PPM1G: variants seen among roughly 807,000 people sequenced by gnomAD.
PPM1G encodes protein phosphatase 1G.
In PPM1G, 12 loss-of-function variants were observed where a neutral mutation model predicts 59.4. The ratio of observed to expected loss-of-function variants is 0.20; its 90% CI spans 0.13 to 0.33. PPM1G has a LOEUF of 0.33. Among genes scored for constraint, PPM1G ranks in the 10% least tolerant of loss-of-function variants. PPM1G has a pLI of 1.00. For missense variants in PPM1G, 392 were observed against 681.3 expected (o/e 0.58, Z 4.73); for synonymous variants, 245 against 251.9 (o/e 0.97, Z 0.26).
chr2:27,391,349 AT>A (rs2148421521), intron 1 of PPM1G, among the ~76,000 whole-genome samples: 1 of 152,214 alleles, frequency 6.6e-6, no homozygotes, highest in South Asian at 2.1e-4. Context: ...AACGTTTCTC[AT>A]TTTTTGACAT....
Position 27,385,062 on chromosome 2 carries a change from G to C in PPM1G, c.436C>G (p.His146Asp). 1 of 1,609,532 alleles carries C rather than the reference G, an allele frequency of 6.2e-7. No homozygotes were observed. The highest frequency in any genetic ancestry group is 8.5e-7 in the Non-Finnish European group (1 of 1,178,428). ...DVDNEEAALL[H>D]EEATMTIEEL... ...TCAATAGTCATGGTAGCCTCTTCAT[G>C]CAGCAGTGCAGCCTCCTCATTGTCC... The change falls in exon 5 of 10, where the codon CAT becomes GAT. Residue 146 changes from histidine to aspartate, a missense_variant. Physicochemically the swap from His to Asp is moderately conservative, Grantham distance 81 (BLOSUM62 -1). Around this residue, in one of 6 missense-constraint regions of PPM1G, gnomAD observed 188 missense variants for 248.8 expected, o/e 0.76. Transcript: ENST00000344034. The surrounding 1 kb of genome is among the most constrained non-coding windows in gnomAD (Gnocchi z 4.1).
At chr2:27,392,960 T>C (rs937633306) in intron 1 of PPM1G, 2 of 1,506,172 alleles carry the variant, frequency 1.3e-6, no homozygotes, top group Non-Finnish European at 1.8e-6. Flanking sequence ...TGGGGGTCAT[T>C]TTTGTCAGTG....
Position 27,385,838 on chromosome 2 carries a change from G to C in PPM1G, c.318C>G (p.Thr106=). 6.2e-7 allele frequency: 1 copy of C among 1,613,770 alleles called. No homozygotes were observed. Residue 106 remains threonine, a synonymous_variant, in exon 4 of 10, where the codon ACC becomes ACG. Transcript: ENST00000344034. The surrounding 1 kb of genome is among the most constrained non-coding windows in gnomAD (Gnocchi z 4.1). The part of the protein sequence containing the change: ...DAFLAIDAKL[T]TEEVIKELAQ... ...CCAGCTCTTTAATGACTTCTTCAGT[G>C]GTCAATTTGGCGTCAATAGCCAAGA...
rs544568496 is a variant in PPM1G, at chr2:27,386,087, A to T, written c.276+107T>A. 4.9e-5 allele frequency: 62 copies of T among 1,265,270 alleles called. No individual in the cohort carries two copies. In the African/African-American group the frequency reaches 6.9e-4, roughly 14 times the overall value. The allele number at this position is 1,265,270 out of a possible 1,614,324, so 78.4% of individuals were successfully genotyped here. A position where few individuals can be genotyped will look rare whatever the true frequency, so the allele number is the denominator to read the frequency against. On this transcript the variant is annotated intron_variant, in intron 3 of 9. Transcript: ENST00000344034. The stretch of plus-strand genomic sequence containing the variant: ...TTTAGGAACAGAATTCTTCAAGAGT[A>T]AATAAGCAGCAGCAGCTAGAGGACA...
intron 1 of PPM1G, among the ~76,000 whole-genome samples, chr2:27,390,649 T>C (rs1265204730): frequency 6.6e-6 from 1 of 152,214 alleles, no homozygotes; most frequent in Non-Finnish European, 1.5e-5. Context: ...GTCAGTTTTT[T>C]TTTTATTTTT....
chr2:27,392,002 A>G (rs1274105178), intron 1 of PPM1G, among the ~76,000 whole-genome samples: 2 of 151,610 alleles, frequency 1.3e-5, no homozygotes, highest in Admixed American at 1.3e-4. Context: ...AAGTGCTGGG[A>G]TTACGGGTGT....
intron 1 of PPM1G, among the ~76,000 whole-genome samples, chr2:27,405,946 T>C (rs753728860): frequency 6.6e-6 from 1 of 152,006 alleles, no homozygotes; most frequent in Non-Finnish European, 1.5e-5. Flanking sequence ...GAGGTTGCAG[T>C]GAGCCGAGAT....
chr2:27,395,233 CAA>C (rs775943242), intron 1 of PPM1G, among the ~76,000 whole-genome samples: 6 of 89,552 alleles, frequency 6.7e-5, no homozygotes, highest in Non-Finnish European at 1.1e-4. Flanking sequence ...GACTCTGTCT[CAA>C]AAAAAAAAAA....
At chr2:27,404,851 G>A (rs978891616) in intron 1 of PPM1G, among the ~76,000 whole-genome samples, 1 of 151,188 alleles carries the variant, frequency 6.6e-6, no homozygotes, top group African/African-American at 2.4e-5. Flanking sequence ...AGCTGAGGCA[G>A]GAGAATCGCT....
In PPM1G at chr2:27,383,716, A is replaced by G; in HGVS notation, c.967-116T>C. 1 of 1,197,090 alleles carries G rather than the reference A, an allele frequency of 8.4e-7. No individual in the cohort carries two copies. Among genetic ancestry groups the G allele is most frequent in the Admixed American group, 2.4e-5 (1 of 41,774 alleles). 74.2% of individuals were successfully genotyped at this position (1,197,090 alleles called of 1,614,324 possible). A position where few individuals can be genotyped will look rare whatever the true frequency, so the allele number is the denominator to read the frequency against. On this transcript the variant is annotated intron_variant, in intron 6 of 9. Transcript: ENST00000344034. The surrounding 1 kb of genome is among the most constrained non-coding windows in gnomAD (Gnocchi z 5.0). The stretch of plus-strand genomic sequence containing the variant: ...CTGGGACCCCCAAAAGAGCTTTAAC[A>G]AACAGGAGAAGCACACATTTCATCT...
intron 1 of PPM1G, among the ~76,000 whole-genome samples, chr2:27,408,018 G>C (rs559170853): frequency 5.3e-5 from 8 of 151,484 alleles, no homozygotes; most frequent in Admixed American, 5.3e-4. Flanking sequence ...TTGCATTCCA[G>C]CCTGGGCAAC....
intron 1 of PPM1G, among the ~76,000 whole-genome samples, chr2:27,404,477 G>C (rs1316596766): frequency 1.3e-5 from 2 of 151,768 alleles, no homozygotes; most frequent in East Asian, 3.9e-4. Context: ...TTGAACCCAA[G>C]AGGCGGAAGT....
At chr2:27,407,028 C>T (rs1014565018) in intron 1 of PPM1G, among the ~76,000 whole-genome samples, 1 of 150,302 alleles carries the variant, frequency 6.7e-6, no homozygotes, top group Non-Finnish European at 1.5e-5. Context: ...TACAGTGGCA[C>T]GATCTTGGCT....
chr2:27,400,548 G>A (rs1021652358), intron 1 of PPM1G, among the ~76,000 whole-genome samples: 1 of 152,130 alleles, frequency 6.6e-6, no homozygotes, highest in Non-Finnish European at 1.5e-5. Context: ...GAGGCCAGGG[G>A]TTCAAGGCCA....
intron 1 of PPM1G, among the ~76,000 whole-genome samples, chr2:27,398,310 A>G (rs1684099179): frequency 6.6e-6 from 1 of 152,214 alleles, no homozygotes; most frequent in Non-Finnish European, 1.5e-5. Context: ...ATCCACACAC[A>G]AAAGAATGAA....
In PPM1G at chr2:27,385,332, G is replaced by A. The variant is rs978986644; in HGVS notation, c.410-244C>T. Reference sequence around the variant, plus strand: ...CTAGTTACTATACTTCCCCTCTGACGTCTCATTTTTTATTGTTAAGTTGTA... The same window carrying A: ...CTAGTTACTATACTTCCCCTCTGACATCTCATTTTTTATTGTTAAGTTGTA... On this transcript the variant is annotated intron_variant, in intron 4 of 9. Transcript: ENST00000344034. The surrounding 1 kb of genome is among the most constrained non-coding windows in gnomAD (Gnocchi z 4.1). 7 of 468,524 alleles carry A rather than the reference G, an allele frequency of 1.5e-5. No homozygotes were observed. The highest frequency in any genetic ancestry group is 2.0e-5 in the African/African-American group (1 of 49,880). 29.0% of individuals were successfully genotyped at this position (468,524 alleles called of 1,614,324 possible).
At chr2:27,408,102 A>G (rs1558323502) in intron 1 of PPM1G, among the ~76,000 whole-genome samples, 1 of 152,200 alleles carries the variant, frequency 6.6e-6, no homozygotes, top group African/African-American at 2.4e-5. Context: ...ATACACTCCA[A>G]TCCTGAAATT....
intron 1 of PPM1G, chr2:27,393,232 C>T (rs903362358): frequency 6.4e-7 from 1 of 1,569,350 alleles, no homozygotes; most frequent in African/African-American, 1.3e-5. Context: ...AAAGCCACAT[C>T]ATCGCTGTCA....
intron 1 of PPM1G, among the ~76,000 whole-genome samples, chr2:27,402,129 GA>G (rs68102206): frequency 6.6e-6 from 1 of 151,216 alleles, no homozygotes; most frequent in Admixed American, 6.6e-5. Context: ...GGTCAAAAAG[GA>G]AAAAAAAGTT....
Sources: gnomAD v4.1 joint callset for allele counts (sites outside exome capture counted in the v4.1 genomes callset) on GRCh38, gnomAD v4.1.1 for gene constraint, gnomAD v4.1.1 regional missense constraint, Gnocchi (gnomAD v3.1) non-coding constraint, MANE v1.5 for transcripts, NCBI Gene and HGNC (gene_info 2026-07-23, HGNC 2026-07-21) for gene names.